ZYX: variants seen among roughly 807,000 people sequenced by gnomAD.
ZYX encodes the protein zyxin.
Under a neutral mutation model 58.1 loss-of-function variants are expected in ZYX, and 37 were observed. The ratio of observed to expected loss-of-function variants is 0.64; its 90% confidence interval spans 0.49 to 0.84. The LOEUF (loss-of-function observed/expected upper bound fraction) is 0.84, where lower values mean the gene tolerates loss of function less well. Among genes scored for constraint, ZYX ranks in the 40% least tolerant of loss-of-function variants. The pLI is 0.00. For missense variants in ZYX, 762 were observed against 761.6 expected, an observed-to-expected ratio of 1.00 and a Z score of -0.01; for synonymous variants, 324 against 321.1, an observed-to-expected ratio of 1.01 and a Z score of -0.10.
Position 143,390,408 on chromosome 7 carries a change from TG to T in ZYX, c.1615-168del, listed in dbSNP as rs1805028463. ...TTGCAGGAAGGTCCTAGTGGGTGAC[TG>T]GAAGTAGGATAGGGATGGGGAGTTG... On this transcript the variant is annotated intron_variant, in intron 9 of 9. Transcript: ENST00000322764. The surrounding 1 kb of genome is among the most constrained non-coding windows in gnomAD (Gnocchi z 4.3). 4.9e-6 allele frequency: 3 copies of T among 617,784 alleles called. No homozygotes were observed. Among genetic ancestry groups the T allele is most frequent in the Middle Eastern group, 8.8e-4 (2 of 2,284 alleles). 38.3% of individuals were successfully genotyped at this position (617,784 alleles called of 1,614,324 possible). A position where few individuals can be genotyped will look rare whatever the true frequency, so the allele number is the denominator to read the frequency against.
rs191929916 is a variant in ZYX, at chr7:143,387,164, G to C, written c.1024-1055G>C. Among the ~76,000 whole-genome samples, 1 of 152,160 alleles carries C rather than the reference G, an allele frequency of 6.6e-6. No homozygotes were observed. The highest frequency in any genetic ancestry group is 1.9e-4 in the East Asian group (1 of 5,178). On this transcript the variant is annotated intron_variant, in intron 5 of 9. Transcript: ENST00000322764. This position sits in a 1 kb window ranked among gnomAD's most constrained non-coding sequence, Gnocchi z 5.8. ...ATGGCTAAGATCTTAAGGGAAAATG[G>C]CTAAGATCTGGAGAGTTGGACTTAT...
chr7:143,381,531 C>T, intron 1 of ZYX, 26 bp from the exon 2 acceptor site: 1 of 1,588,482 alleles, frequency 6.3e-7, no homozygotes. Flanking sequence ...CGGCTCCGCG[C>T]TGCGTAACCC....
chr7:143,389,737 C>G lies in ZYX; in HGVS notation c.1494-120C>G. ...CTCTTAGGCCCTTCTGGTGAGCTTC[C>G]TTCACCTGGAGATGCAGGGCAGAGA... On this transcript the variant is annotated intron_variant, in intron 8 of 9. Transcript: ENST00000322764. The surrounding 1 kb of genome is among the most constrained non-coding windows in gnomAD (Gnocchi z 5.6). 1 of 1,444,508 alleles carries G rather than the reference C, an allele frequency of 6.9e-7. No individual in the cohort carries two copies. The highest frequency in any genetic ancestry group is 9.3e-7 in the Non-Finnish European group (1 of 1,073,122). The allele number at this position is 1,444,508 out of a possible 1,614,324, so 89.5% of individuals were successfully genotyped here.
chr7:143,390,881 C>T lies in ZYX; in HGVS notation c.*199C>T, dbSNP rs933890639. On this transcript the variant is annotated 3_prime_UTR_variant, in exon 10 of 10. Transcript: ENST00000322764. The surrounding 1 kb of genome is among the most constrained non-coding windows in gnomAD (Gnocchi z 4.3). ...GATCCCCGCCCTGGGGTCTGGTCCT[C>T]GCCCATCCTGCAGGGATTGCCCACC... 18 of 571,004 alleles carry T rather than the reference C, an allele frequency of 3.2e-5. No homozygotes were observed. Among genetic ancestry groups the T allele is most frequent in the Admixed American group, 5.9e-5 (2 of 33,674 alleles). 35.4% of individuals were successfully genotyped at this position (571,004 alleles called of 1,614,324 possible). A position where few individuals can be genotyped will look rare whatever the true frequency, so the allele number is the denominator to read the frequency against.
chr7:143,385,451 G>A (rs1222368060), intron 5 of ZYX, among the ~76,000 whole-genome samples: 1 of 151,826 alleles, frequency 6.6e-6, no homozygotes, highest in African/African-American at 2.4e-5. Context: ...GGCGTGTGAT[G>A]TGTGTAGTGT....
Position 143,383,129 on chromosome 7 carries a change from C to T in ZYX, c.830C>T (p.Ala277Val). The part of the protein sequence containing the change: ...SPVTPKFTPV[A>V]SKFSPGAPGG... ...GTGACTCCTAAGTTTACTCCTGTGG[C>T]TTCCAAGTTCAGTCCTGGAGCCCCA... The change falls in exon 5 of 10, where the codon GCT (alanine) becomes GTT (valine). Residue 277 changes from alanine to valine, a missense_variant. Coordinates refer to ENST00000322764, the MANE Select transcript of ZYX (RefSeq NM_003461.5). The T allele has an allele frequency of 6.2e-7, 1 of 1,614,228 alleles. No homozygotes were observed. Among genetic ancestry groups the T allele is most frequent in the Non-Finnish European group, 8.5e-7 (1 of 1,180,050 alleles).
rs1279315653 is a variant in ZYX, at chr7:143,387,757, G to T, written c.1024-462G>T. 1 of 472,028 alleles carries T rather than the reference G, an allele frequency of 2.1e-6. No individual in the cohort carries two copies. Among genetic ancestry groups the T allele is most frequent in the Non-Finnish European group, 4.4e-6 (1 of 227,532 alleles). The allele number at this position is 472,028 out of a possible 1,614,324, so 29.2% of individuals were successfully genotyped here. A position where few individuals can be genotyped will look rare whatever the true frequency, so the allele number is the denominator to read the frequency against. ...CCTGCCTGTGTTGTATCCTCACGCT[G>T]ACAGGGGCTGCTCAGCAGCAGGCAG... On this transcript the variant is annotated intron_variant, in intron 5 of 9. Coordinates refer to ENST00000322764, the MANE Select transcript of ZYX (RefSeq NM_003461.5). This position sits in a 1 kb window ranked among gnomAD's most constrained non-coding sequence, Gnocchi z 5.8.
chr7:143,388,332 T>C lies in ZYX; in HGVS notation c.1137T>C (p.Ala379=). 3 of 1,613,736 alleles carry C rather than the reference T, an allele frequency of 1.9e-6. No individual in the cohort carries two copies. Among genetic ancestry groups the C allele is most frequent in the Non-Finnish European group, 2.5e-6 (3 of 1,179,804 alleles). The change falls in exon 6 of 10, where the codon GCT becomes GCC. Residue 379 remains alanine (A), a synonymous_variant. Coordinates refer to ENST00000322764, the MANE Select transcript of ZYX (RefSeq NM_003461.5). The surrounding 1 kb of genome is among the most constrained non-coding windows in gnomAD (Gnocchi z 7.5). ...AGCATCCTCAGAGGCAGAATGTGGC[T>C]GTCAACGGTGAGCCCACCCCACCGG... ...DMEHPQRQNV[A]VNELCGRCHQ...
chr7:143,382,232 C>G lies in ZYX; in HGVS notation c.209-16C>G, dbSNP rs368654810. 6.2e-7 allele frequency: 1 copy of G among 1,610,118 alleles called. No homozygotes were observed. Among genetic ancestry groups the G allele is most frequent in the South Asian group, 1.1e-5 (1 of 90,828 alleles). ...TAGAGGGACCCCGGCCGACGTCTTT[C>G]TCCTTCCTACCCCAGACTTTCCCCT... On this transcript the variant is annotated splice_polypyrimidine_tract_variant and intron_variant, in intron 2 of 9. Coordinates refer to ENST00000322764, the MANE Select transcript of ZYX (RefSeq NM_003461.5).
chr7:143,381,426 G>T lies in ZYX; in HGVS notation c.-16+17G>T, dbSNP rs922595507. On this transcript the variant is annotated intron_variant, in intron 1 of 9. Transcript: ENST00000322764. ...CGGCCTGCGGTGAGGCGCGGGGAGC[G>T]GCAGGGCGGCCCCACGGGGAGGGGG... The T allele has an allele frequency of 6.4e-6, 8 of 1,255,724 alleles. No individual in the cohort carries two copies. The East Asian group carries it at 2.0e-4, about 32-fold the overall frequency. 77.8% of individuals were successfully genotyped at this position (1,255,724 alleles called of 1,614,324 possible).
Position 143,390,876 on chromosome 7 carries a change from G to A in ZYX, c.*194G>A, listed in dbSNP as rs750282605. On this transcript the variant is annotated 3_prime_UTR_variant, in exon 10 of 10. Transcript: ENST00000322764. This position sits in a 1 kb window ranked among gnomAD's most constrained non-coding sequence, Gnocchi z 4.3. ...TGCAGGATCCCCGCCCTGGGGTCTGGTCCTCGCCCATCCTGCAGGGATTGC... is the reference window on the plus strand; with the variant it reads ...TGCAGGATCCCCGCCCTGGGGTCTGATCCTCGCCCATCCTGCAGGGATTGC... 8.0e-5 allele frequency: 46 copies of A among 576,196 alleles called. No individual in the cohort carries two copies. The highest frequency in any genetic ancestry group is 1.3e-4 in the Non-Finnish European group (43 of 319,432). 35.7% of individuals were successfully genotyped at this position (576,196 alleles called of 1,614,324 possible).
rs908949493 is a variant in ZYX at position 143,382,271 on chromosome 7, C to T, written c.232C>T (p.Leu78Phe). ...AGACTTTCCCCTGCCTCCACCTCCC[C>T]TTGCTGGGGATGGCGACGATGCAGA... ...PEDFPLPPPP[L>F]AGDGDDAEGA... Residue 78 changes from leucine to phenylalanine, a missense_variant, in exon 3 of 10, where the codon CTT becomes TTT. By Grantham distance (22) the Leu-to-Phe change is conservative. Coordinates refer to ENST00000322764, the MANE Select transcript of ZYX (RefSeq NM_003461.5). 4.3e-6 allele frequency: 7 copies of T among 1,612,758 alleles called. No individual in the cohort carries two copies. In the African/African-American group the frequency reaches 9.3e-5, roughly 22 times the overall value.
In ZYX at chr7:143,390,823, T is replaced by A. The variant is rs560374401; in HGVS notation, c.*141T>A. On this transcript the variant is annotated 3_prime_UTR_variant, in exon 10 of 10. Transcript: ENST00000322764. The surrounding 1 kb of genome is among the most constrained non-coding windows in gnomAD (Gnocchi z 4.3). ...CCCCTCCCTAGCATCCCAGGTGCCC[T>A]GACCCAGGACCCAACATGGTCTAGG... 5.2e-4 allele frequency: 353 copies of A among 684,454 alleles called. No homozygotes were observed. The highest frequency in any genetic ancestry group is 3.0e-3 in the African/African-American group (173 of 56,766). 42.4% of individuals were successfully genotyped at this position (684,454 alleles called of 1,614,324 possible).
At position 143,389,493 on chromosome 7, in the gene ZYX, G is replaced by A. The variant is rs1804993324; in HGVS notation, c.1494-364G>A. Among the ~76,000 whole-genome samples the A allele has an allele frequency of 6.6e-6, 1 of 152,194 alleles. No individual in the cohort carries two copies. The highest frequency in any genetic ancestry group is 2.4e-5 in the African/African-American group (1 of 41,462). On this transcript the variant is annotated intron_variant, in intron 8 of 9. Coordinates refer to ENST00000322764, the MANE Select transcript of ZYX (RefSeq NM_003461.5). The surrounding 1 kb of genome is among the most constrained non-coding windows in gnomAD (Gnocchi z 5.6). ...AGTCAGGGCAGAGGCAACGTGCATGGGGGTGGGAGGATTGGGGGAAGGTGA... is the reference window on the plus strand; with the variant it reads ...AGTCAGGGCAGAGGCAACGTGCATGAGGGTGGGAGGATTGGGGGAAGGTGA...
In ZYX at chr7:143,389,968, C is replaced by A. The variant is rs1444634829; in HGVS notation, c.1605C>A (p.Tyr535Ter). 1.2e-6 allele frequency: 2 copies of A among 1,613,940 alleles called. No homozygotes were observed. The highest frequency in any genetic ancestry group is 1.7e-6 in the Non-Finnish European group (2 of 1,179,966). ...ACAAGAACTTCCACATGAAGTGTTA[C>A]AAGTGTGAGGTCAGCCATCCCTCTG... Reference protein sequence around the residue: ...ALDKNFHMKCYKCEDCGKPLS... With the variant: ...ALDKNFHMKC The change falls in exon 9 of 10, where the codon TAC (tyrosine) becomes TAA (stop). Residue 535 changes from tyrosine (Y) to a stop codon, truncating the protein, a stop_gained. Coordinates refer to ENST00000322764, the MANE Select transcript of ZYX (RefSeq NM_003461.5). LOFTEE classifies it high-confidence loss of function. This position sits in a 1 kb window ranked among gnomAD's most constrained non-coding sequence, Gnocchi z 5.6.
At position 143,388,625 on chromosome 7, in the gene ZYX, G is replaced by A; in HGVS notation, c.1281G>A (p.Leu427=). The change falls in exon 7 of 10, where the codon CTG becomes CTA. Residue 427 remains leucine, a synonymous_variant. Coordinates refer to ENST00000322764, the MANE Select transcript of ZYX (RefSeq NM_003461.5). The surrounding 1 kb of genome is among the most constrained non-coding windows in gnomAD (Gnocchi z 7.5). ...TCCAGGGCCAGCAGTTCTACAGTCT[G>A]GAGGGGGCGCCGTACTGCGAGGGCT... ...QQLQGQQFYS[L]EGAPYCEGCY... 1 of 1,613,508 alleles carries A rather than the reference G, an allele frequency of 6.2e-7. No individual in the cohort carries two copies. Among genetic ancestry groups the A allele is most frequent in the African/African-American group, 1.3e-5 (1 of 75,026 alleles).
At position 143,388,799 on chromosome 7, in the gene ZYX, G is replaced by C; in HGVS notation, c.1347G>C (p.Glu449Asp). 1.2e-6 allele frequency: 2 copies of C among 1,614,044 alleles called. No homozygotes were observed. Among genetic ancestry groups the C allele is most frequent in the East Asian group, 4.5e-5 (2 of 44,874 alleles). ...DTLEKCNTCG[E>D]PITDRMLRAT... ...TGGAGAAGTGTAACACCTGCGGGGA[G>C]CCCATCACTGACCGCATGCTGAGGG... Residue 449 changes from glutamate (E) to aspartate (D), a missense_variant, in exon 8 of 10, where the codon GAG becomes GAC. Glu to Asp is a conservative substitution (Grantham distance 45). Coordinates refer to ENST00000322764, the MANE Select transcript of ZYX (RefSeq NM_003461.5). The surrounding 1 kb of genome is among the most constrained non-coding windows in gnomAD (Gnocchi z 7.5).
rs765958504 is a variant in ZYX, at chr7:143,381,779, G to A, written c.208G>A (p.Asp70Asn). The A allele has an allele frequency of 3.2e-6, 5 of 1,564,384 alleles. No homozygotes were observed. In the South Asian group the frequency reaches 5.8e-5, roughly 18 times the overall value. Residue 70 changes from aspartate (D) to asparagine (N), a missense_variant and splice_region_variant, in exon 2 of 10, where the codon GAC becomes AAC. Physicochemically the swap from Asp to Asn is conservative, Grantham distance 23. Coordinates refer to ENST00000322764, the MANE Select transcript of ZYX (RefSeq NM_003461.5). ...CGAGATTCCCCCGCCGCCCCCGGAA[G>A]GTATGCGGCGGGGCTTGGGGAATGT... ...VGEIPPPPPE[D>N]FPLPPPPLAG...
rs1391202386 is a variant in ZYX, at chr7:143,387,469, A to G, written c.1024-750A>G. On this transcript the variant is annotated intron_variant, in intron 5 of 9. Transcript: ENST00000322764. The surrounding 1 kb of genome is among the most constrained non-coding windows in gnomAD (Gnocchi z 5.8). The stretch of plus-strand genomic sequence containing the variant: ...TCCCGGCAGTGCTGATGCAGGTCAG[A>G]CAGCCCTTCCCGGAGTTCTCAGGGT... Among the ~76,000 whole-genome samples the G allele has an allele frequency of 6.6e-6, 1 of 152,168 alleles. No homozygotes were observed. The highest frequency in any genetic ancestry group is 1.5e-5 in the Non-Finnish European group (1 of 68,018).
Sources: gnomAD v4.1 joint callset for allele counts (sites outside exome capture counted in the v4.1 genomes callset) on GRCh38, gnomAD v4.1.1 for gene constraint, Gnocchi (gnomAD v3.1) non-coding constraint, MANE v1.5 for transcripts, NCBI Gene and HGNC (gene_info 2026-07-23, HGNC 2026-07-21) for gene names.